The following MAP2K5 variants were observed in gnomAD, a reference collection of about 807,000 sequenced individuals.
MAP2K5 encodes the protein dual specificity mitogen-activated protein kinase kinase 5.
In MAP2K5, 49 loss-of-function variants were observed where a neutral mutation model predicts 83.1. The ratio of observed to expected loss-of-function variants is 0.59; its 90% CI spans 0.47 to 0.75. The LOEUF is 0.75. Among genes scored for constraint, MAP2K5 ranks in the 30% least tolerant of loss-of-function variants. The pLI, the probability that MAP2K5 is intolerant of heterozygous loss-of-function variation, is 0.00. For synonymous variants in MAP2K5, 202 were observed against 191.8 expected (o/e 1.05, Z -0.44); for missense variants, 457 against 557.5 (o/e 0.82, Z 1.82).
At chr15:67,697,835 A>G (rs573461754) in intron 15 of MAP2K5, among the ~76,000 whole-genome samples, 1 of 152,358 alleles carries the variant, frequency 6.6e-6, no homozygotes, top group Non-Finnish European at 1.5e-5. Context: ...TCGAAAGCGT[A>G]AAATATAGAA....
rs1377090408 is a variant in MAP2K5 at position 67,595,602 on chromosome 15, A to AT, written c.480+2634dup. ...TTGATCCATAATTGAATTCCATTTC[A>AT]TTTTTTCCATTAATTTCATTAATAT... is the stretch of plus-strand genomic sequence containing the variant. On this transcript the variant is annotated intron_variant, in intron 7 of 21. Transcript: ENST00000178640. Among the ~76,000 whole-genome samples, 14 of 152,290 alleles carry AT rather than the reference A, an allele frequency of 9.2e-5. No homozygotes were observed. In the South Asian group the frequency reaches 1.7e-3, roughly 18 times the overall value.
At chr15:67,646,532 T>G in intron 11 of MAP2K5, 63 bp downstream of exon 11, 1 of 869,124 alleles carries the variant, frequency 1.2e-6, no homozygotes, top group Non-Finnish European at 1.8e-6. Flanking sequence ...CTTTAAAACC[T>G]GGTTTTGATA....
At position 67,703,296 on chromosome 15, in the gene MAP2K5, A is replaced by G; in HGVS notation, c.973-41A>G. 2.1e-6 allele frequency: 3 copies of G among 1,436,512 alleles called. No individual in the cohort carries two copies. The South Asian group carries it at 3.4e-5, about 16-fold the overall frequency. 89.0% of individuals were successfully genotyped at this position (1,436,512 alleles called of 1,614,324 possible). On this transcript the variant is annotated intron_variant, in intron 15 of 21. Transcript: ENST00000178640. ...TTTTGGTGTATGTGTTTTCCTGAGT[A>G]GCATCCGTCCACTCACAGGCTCCCT...
intron 19 of MAP2K5, among the ~76,000 whole-genome samples, chr15:67,759,412 T>C (rs1305572185): frequency 1.3e-5 from 2 of 151,382 alleles, no homozygotes; most frequent in African/African-American, 4.9e-5. Flanking sequence ...AAACAAAAAT[T>C]AGCCAAGCAT....
At chr15:67,630,286 T>C (rs1289913969) in intron 8 of MAP2K5, among the ~76,000 whole-genome samples, 2 of 152,212 alleles carry the variant, frequency 1.3e-5, no homozygotes, top group Admixed American at 6.5e-5. Context: ...TGGATAGTAA[T>C]GGTATTTCAT....
intron 21 of MAP2K5, among the ~76,000 whole-genome samples, chr15:67,792,140 A>C (rs544047734): frequency 1.1e-4 from 16 of 152,316 alleles, no homozygotes; most frequent in Non-Finnish European, 2.2e-4. Flanking sequence ...AAGGAGGTTA[A>C]GATCAAAGGA....
intron 5 of MAP2K5, 37 bp downstream of exon 5, chr15:67,585,967 G>A: frequency 1.3e-6 from 2 of 1,566,436 alleles, no homozygotes; most frequent in Non-Finnish European, 1.8e-6. Flanking sequence ...AAAGTTAGAT[G>A]GATTTGTAAT....
In MAP2K5 at chr15:67,702,559, A is replaced by C. The variant is rs941037286; in HGVS notation, c.973-778A>C. On this transcript the variant is annotated intron_variant, in intron 15 of 21. Coordinates refer to ENST00000178640, the MANE Select transcript of MAP2K5 (RefSeq NM_145160.3). This position sits in a 1 kb window ranked among gnomAD's most constrained non-coding sequence, Gnocchi z 4.6. ...GTGTTCATTCCAAAGCCATCTATGA[A>C]GTACTGTACTGAATGCTAAATCCTA... Among the ~76,000 whole-genome samples the C allele has an allele frequency of 3.9e-5, 6 of 152,190 alleles. No individual in the cohort carries two copies. Among genetic ancestry groups the C allele is most frequent in the Non-Finnish European group, 7.3e-5 (5 of 68,038 alleles).
rs2090421122 is a variant in MAP2K5 at position 67,786,521 on chromosome 15, G to A, written c.1242+13769G>A. The stretch of plus-strand genomic sequence containing the variant: ...AGGAGCAGACTAGACATGCCCATTG[G>A]CAACATTTAGAGAAGGTAGATGAGT... On this transcript the variant is annotated intron_variant, in intron 21 of 21. Transcript: ENST00000178640. The surrounding 1 kb of genome is among the most constrained non-coding windows in gnomAD (Gnocchi z 4.7). Among the ~76,000 whole-genome samples the A allele has an allele frequency of 6.6e-6, 1 of 152,218 alleles. No homozygotes were observed. The highest frequency in any genetic ancestry group is 1.5e-5 in the Non-Finnish European group (1 of 68,040).
chr15:67,656,661 A>G (rs2087087508), intron 11 of MAP2K5, among the ~76,000 whole-genome samples: 1 of 152,036 alleles, frequency 6.6e-6, no homozygotes, highest in Non-Finnish European at 1.5e-5. Context: ...GAAACTTCAA[A>G]GGTTCAGGTC....
chr15:67,563,487 G>A lies in MAP2K5; in HGVS notation c.252+137G>A, dbSNP rs2084779462. On this transcript the variant is annotated intron_variant, in intron 3 of 21. Transcript: ENST00000178640. The surrounding 1 kb of genome is among the most constrained non-coding windows in gnomAD (Gnocchi z 4.5). ...CTATATAATAGGTAAAGGTTTCAAG[G>A]ATTTCCGTATGTGAAAGTTAAGGGC... The A allele has an allele frequency of 9.1e-7, 1 of 1,098,004 alleles. No individual in the cohort carries two copies. Among genetic ancestry groups the A allele is most frequent in the Admixed American group, 2.9e-5 (1 of 33,912 alleles). The allele number at this position is 1,098,004 out of a possible 1,614,324, so 68.0% of individuals were successfully genotyped here.
intron 15 of MAP2K5, among the ~76,000 whole-genome samples, chr15:67,694,438 TAGTCTC>T (rs1406909618): frequency 6.6e-6 from 1 of 152,170 alleles, no homozygotes; most frequent in Non-Finnish European, 1.5e-5. Context: ...CCGTGGGTCT[TAGTCTC>T]AGTATTCTTT....
chr15:67,739,911 A>C (rs1331316457), intron 17 of MAP2K5, among the ~76,000 whole-genome samples: 1 of 152,238 alleles, frequency 6.6e-6, no homozygotes, highest in Non-Finnish European at 1.5e-5. Flanking sequence ...ATGTGGAACC[A>C]AAACTAATGC....
chr15:67,607,483 A>G (rs1057480328), intron 8 of MAP2K5, among the ~76,000 whole-genome samples: 2 of 152,074 alleles, frequency 1.3e-5, no homozygotes, highest in Non-Finnish European at 2.9e-5. Flanking sequence ...TGTTCCTGTA[A>G]CTTCATACAT....
chr15:67,639,360 T>G (rs1188827655), intron 9 of MAP2K5, among the ~76,000 whole-genome samples: 5 of 152,258 alleles, frequency 3.3e-5, no homozygotes, highest in African/African-American at 1.2e-4. Flanking sequence ...ATTGATGATT[T>G]ATACAATGCT....
chr15:67,588,700 A>G (rs1368316163), intron 6 of MAP2K5, among the ~76,000 whole-genome samples: 3 of 152,308 alleles, frequency 2.0e-5, no homozygotes, highest in Non-Finnish European at 2.9e-5. Context: ...ATCTTTTCTG[A>G]TATGACATTA....
intron 8 of MAP2K5, among the ~76,000 whole-genome samples, chr15:67,625,103 C>G (rs1330388910): frequency 6.6e-6 from 1 of 152,172 alleles, no homozygotes; most frequent in Non-Finnish European, 1.5e-5. Flanking sequence ...TTTCTACTAG[C>G]TCAATAAATT....
intron 16 of MAP2K5, among the ~76,000 whole-genome samples, chr15:67,709,198 G>T (rs932285996): frequency 3.3e-5 from 5 of 152,122 alleles, no homozygotes; most frequent in Non-Finnish European, 5.9e-5. Context: ...TATGGGATTT[G>T]TGTGGGCTCA....
At chr15:67,642,451 A>G (rs1034021960) in intron 9 of MAP2K5, 4 of 1,611,318 alleles carry the variant, frequency 2.5e-6, no homozygotes, top group African/African-American at 1.3e-5. Context: ...CAGAATGTAC[A>G]TATTGAGGGC....
Sources: gnomAD v4.1 joint callset for allele counts (sites outside exome capture counted in the v4.1 genomes callset) on GRCh38, gnomAD v4.1.1 for gene constraint, Gnocchi (gnomAD v3.1) non-coding constraint, MANE v1.5 for transcripts, NCBI Gene and HGNC (gene_info 2026-07-23, HGNC 2026-07-21) for gene names.